CSMD1: variants seen among roughly 807,000 people sequenced by gnomAD.
CSMD1 encodes the protein CUB and sushi domain-containing protein 1.
CSMD1 carries 213 observed loss-of-function variants against 417.5 expected under a neutral mutation model. That is an observed-to-expected ratio of 0.51 (90% confidence interval 0.46 to 0.57). The LOEUF (loss-of-function observed/expected upper bound fraction) is 0.57, where lower values mean the gene tolerates loss of function less well. Among genes scored for constraint, CSMD1 ranks in the 20% least tolerant of loss-of-function variants. The pLI, the probability that CSMD1 is intolerant of heterozygous loss-of-function variation, is 0.00. For missense variants in CSMD1, 6,923 were observed against 4,529.7 expected (o/e 1.53, Z -15.17); for synonymous variants, 2,862 against 1,736.8 (o/e 1.65, Z -16.11).
chr8:4,093,987 T>TAGATAGAC lies in CSMD1; in HGVS notation c.416-61889_416-61888insGTCTATCT, dbSNP rs548654065. Among the ~76,000 whole-genome samples, 376 of 151,250 alleles carry TAGATAGAC rather than the reference T, an allele frequency of 2.5e-3. 1 individual carries two copies. Among genetic ancestry groups the TAGATAGAC allele is most frequent in the Non-Finnish European group, 4.0e-3 (269 of 67,842 alleles). ...TCAAATAGATAGATAGATAGATAGA[T>TAGATAGAC]AGATAGATAGATAGATAGATAGATA... On this transcript the variant is annotated intron_variant, in intron 3 of 69. Transcript: ENST00000635120.
rs185671573 is a variant in CSMD1, at chr8:3,490,083, G to C, written c.1448+3540C>G. Among the ~76,000 whole-genome samples the C allele has an allele frequency of 2.0e-3, 306 of 152,254 alleles. 1 individual carries two copies. The highest frequency in any genetic ancestry group is 6.9e-3 in the African/African-American group (286 of 41,562). ...GTCGATGTATCGCCTAAAATTATCT[G>C]TTTATTCAAAGAGACTAGCTGTGAT... On this transcript the variant is annotated intron_variant, in intron 11 of 69. Transcript: ENST00000635120.
At position 3,071,729 on chromosome 8, in the gene CSMD1, T is replaced by C. The variant is rs141236056; in HGVS notation, c.7474+15368A>G. On this transcript the variant is annotated intron_variant, in intron 49 of 69. Transcript: ENST00000635120. The stretch of plus-strand genomic sequence containing the variant: ...CATTCATCAACACCATTACAGCCAC[T>C]AATTCACCTGACATCAAAACAGCCT... Among the ~76,000 whole-genome samples, 1,118 of 152,322 alleles carry C rather than the reference T, an allele frequency of 7.3e-3. 15 individuals carry two copies. The highest frequency in any genetic ancestry group is 0.025 in the African/African-American group (1,048 of 41,562).
chr8:4,325,689 G>C (rs1379211139), intron 3 of CSMD1, among the ~76,000 whole-genome samples: 6 of 152,214 alleles, frequency 3.9e-5, no homozygotes, highest in South Asian at 4.1e-4. Flanking sequence ...CAGAAAGCGA[G>C]ATGCAGGATA....
intron 1 of CSMD1, among the ~76,000 whole-genome samples, chr8:4,864,861 A>G (rs1726635456): frequency 7.7e-6 from 1 of 129,282 alleles, no homozygotes. Context: ...TATCACTGAA[A>G]TATTGGATTC....
At chr8:2,951,601 T>C (rs1284500564) in intron 65 of CSMD1, among the ~76,000 whole-genome samples, 1 of 152,178 alleles carries the variant, frequency 6.6e-6, no homozygotes. Flanking sequence ...AGTTTAGTTT[T>C]TATTGTGCTT....
chr8:4,131,851 C>T (rs1803127260), intron 3 of CSMD1, among the ~76,000 whole-genome samples: 1 of 143,128 alleles, frequency 7.0e-6, no homozygotes, highest in Admixed American at 7.3e-5. Context: ...CAAGCTCCAT[C>T]TCCCAGGTTC....
At position 3,793,510 on chromosome 8, in the gene CSMD1, G is replaced by C. The variant is rs570095153; in HGVS notation, c.819-39468C>G. Reference sequence around the variant, plus strand: ...CAGCCCTCTTGTGCCCCCCTCTCTAGGTGGATCTCTGGATTCGATCTCTGG... The same window carrying C: ...CAGCCCTCTTGTGCCCCCCTCTCTACGTGGATCTCTGGATTCGATCTCTGG... On this transcript the variant is annotated intron_variant, in intron 5 of 69. Coordinates refer to ENST00000635120, the MANE Select transcript of CSMD1 (RefSeq NM_033225.6). Among the ~76,000 whole-genome samples, 5 of 147,474 alleles carry C rather than the reference G, an allele frequency of 3.4e-5. No homozygotes were observed. The East Asian group carries it at 1.0e-3, about 30-fold the overall frequency.
intron 1 of CSMD1, among the ~76,000 whole-genome samples, chr8:4,673,488 G>T (rs1184674465): frequency 6.6e-6 from 1 of 152,112 alleles, no homozygotes; most frequent in Non-Finnish European, 1.5e-5. Flanking sequence ...CTCAGGAAAT[G>T]ATTGCTATGT....
chr8:4,041,047 C>G (rs547554350), intron 3 of CSMD1, among the ~76,000 whole-genome samples: 9 of 124,070 alleles, frequency 7.3e-5, no homozygotes, highest in East Asian at 2.4e-4. Context: ...GACGGAGTCT[C>G]GCTCTGTCGC....
chr8:4,618,958 G>A (rs1801626406), intron 2 of CSMD1, among the ~76,000 whole-genome samples: 1 of 152,090 alleles, frequency 6.6e-6, no homozygotes, highest in South Asian at 2.1e-4. Context: ...TTTATTTCTA[G>A]TAAACATAAC....
intron 3 of CSMD1, among the ~76,000 whole-genome samples, chr8:4,158,255 G>C (rs999468799): frequency 6.6e-6 from 1 of 151,948 alleles, no homozygotes; most frequent in African/African-American, 2.4e-5. Flanking sequence ...CCCCATGCCA[G>C]CTCTGCAGAC....
At chr8:4,320,579 A>C (rs533057990) in intron 3 of CSMD1, among the ~76,000 whole-genome samples, 2 of 151,456 alleles carry the variant, frequency 1.3e-5, no homozygotes, top group Admixed American at 1.3e-4. Context: ...TCTTTGTTCA[A>C]CTCCCACTTA....
Position 3,118,825 on chromosome 8 carries a change from T to A in CSMD1, c.6242-238A>T, listed in dbSNP as rs10105052. On this transcript the variant is annotated intron_variant, in intron 41 of 69. Transcript: ENST00000635120. ...TGTACTTTAAAAGGAAAGTAGCACATACCAAAAGTAAATTTTATAATGCTT... is the reference window on the plus strand; with the variant it reads ...TGTACTTTAAAAGGAAAGTAGCACAAACCAAAAGTAAATTTTATAATGCTT... 2.9e-4 allele frequency among the ~76,000 whole-genome samples: 44 copies of A among 152,282 alleles called. No individual in the cohort carries two copies. In the South Asian group the frequency reaches 7.2e-3, roughly 25 times the overall value.
At chr8:4,960,813 A>C (rs1353568503) in intron 1 of CSMD1, among the ~76,000 whole-genome samples, 1 of 152,260 alleles carries the variant, frequency 6.6e-6, no homozygotes, top group South Asian at 2.1e-4. Flanking sequence ...AAATGGTAAA[A>C]CTATTTTATC....
At chr8:3,540,855 C>T (rs1036692452) in intron 10 of CSMD1, among the ~76,000 whole-genome samples, 3 of 152,078 alleles carry the variant, frequency 2.0e-5, no homozygotes, top group African/African-American at 7.2e-5. Context: ...AGTCAGATCA[C>T]AATTATTAAA....
intron 54 of CSMD1, among the ~76,000 whole-genome samples, chr8:2,992,182 C>T (rs1585107351): frequency 6.6e-6 from 1 of 150,674 alleles, no homozygotes. Context: ...CACACATGAA[C>T]ACACACATGC....
intron 42 of CSMD1, among the ~76,000 whole-genome samples, chr8:3,114,995 G>C (rs1486005916): frequency 6.6e-6 from 1 of 152,068 alleles, no homozygotes; most frequent in African/African-American, 2.4e-5. Flanking sequence ...AGTTTATTAT[G>C]ATAGTGTTTA....
chr8:3,681,219 T>C (rs1383990276), intron 7 of CSMD1, among the ~76,000 whole-genome samples: 3 of 152,268 alleles, frequency 2.0e-5, no homozygotes, highest in East Asian at 1.9e-4. Flanking sequence ...AAATAAAGGA[T>C]ATTCAATTAG....
chr8:4,432,343 G>T (rs1051669344), intron 2 of CSMD1, among the ~76,000 whole-genome samples: 2 of 152,138 alleles, frequency 1.3e-5, no homozygotes, highest in African/African-American at 4.8e-5. Flanking sequence ...AGGACTGCTT[G>T]TAGAATCCCC....
Sources: gnomAD v4.1 joint callset for allele counts (sites outside exome capture counted in the v4.1 genomes callset) on GRCh38, gnomAD v4.1.1 for gene constraint, MANE v1.5 for transcripts, NCBI Gene and HGNC (gene_info 2026-07-23, HGNC 2026-07-21) for gene names.